The following ITCH variants were observed in gnomAD, a reference collection of about 807,000 sequenced individuals.
ITCH encodes the protein E3 ubiquitin-protein ligase Itchy homolog.
Under a neutral mutation model 126.8 loss-of-function variants are expected in ITCH, and 28 were observed. The ratio of observed to expected loss-of-function variants is 0.22; its 90% CI spans 0.16 to 0.30. The LOEUF (loss-of-function observed/expected upper bound fraction) is 0.30, where lower values mean the gene tolerates loss of function less well. ITCH is among the 10% of genes least tolerant of loss of function. The pLI, the probability that ITCH is intolerant of heterozygous loss-of-function variation, is 1.00. For missense variants in ITCH, 631 were observed against 1,032.4 expected, an observed-to-expected ratio of 0.61 and a Z score of 5.33; for synonymous variants, 342 against 340.0, an observed-to-expected ratio of 1.01 and a Z score of -0.06.
At chr20:34,424,566 T>G (rs375082730) in intron 7 of ITCH, 41 bp downstream of exon 7, 125 of 1,498,610 alleles carry the variant, frequency 8.3e-5, no homozygotes, top group East Asian at 4.7e-4. Flanking sequence ...TGCGGAGAGA[T>G]AGATTTCCTA....
intron 1 of ITCH, among the ~76,000 whole-genome samples, chr20:34,368,361 C>G (rs2037496144): frequency 6.7e-6 from 1 of 149,600 alleles, no homozygotes; most frequent in Non-Finnish European, 1.5e-5. Context: ...TTGCCTAAGT[C>G]TCTGTTTTGG....
chr20:34,437,208 A>G (rs931221199), intron 7 of ITCH, among the ~76,000 whole-genome samples: 3 of 152,100 alleles, frequency 2.0e-5, no homozygotes, highest in Non-Finnish European at 2.9e-5. Flanking sequence ...TTTTTTCACT[A>G]TGTATATCAA....
At chr20:34,415,852 G>A (rs971533404) in intron 6 of ITCH, among the ~76,000 whole-genome samples, 8 of 152,048 alleles carry the variant, frequency 5.3e-5, no homozygotes, top group South Asian at 2.1e-4. Context: ...TGCTGGACGC[G>A]GTGGCTCACG....
intron 19 of ITCH, 81 bp downstream of exon 19, chr20:34,480,813 G>T: frequency 8.6e-7 from 1 of 1,163,840 alleles, no homozygotes; most frequent in East Asian, 2.5e-5. Flanking sequence ...CCAAACTGTA[G>T]GCACATAATT....
At chr20:34,429,081 G>T (rs1981940199) in intron 7 of ITCH, among the ~76,000 whole-genome samples, 1 of 151,996 alleles carries the variant, frequency 6.6e-6, no homozygotes, top group East Asian at 1.9e-4. Flanking sequence ...GGGATTATAG[G>T]CATGCACCAC....
intron 3 of ITCH, among the ~76,000 whole-genome samples, chr20:34,397,537 C>A (rs1032115771): frequency 6.6e-6 from 1 of 152,168 alleles, no homozygotes; most frequent in African/African-American, 2.4e-5. Flanking sequence ...GGTTAGGTCA[C>A]AGATCATATC....
At chr20:34,366,961 A>G (rs1485074632) in intron 1 of ITCH, among the ~76,000 whole-genome samples, 1 of 152,162 alleles carries the variant, frequency 6.6e-6, no homozygotes, top group Non-Finnish European at 1.5e-5. Flanking sequence ...GCTTTTTACT[A>G]GTGCAATATT....
Position 34,457,473 on chromosome 20 carries a change from G to A in ITCH, c.1294G>A (p.Gly432Ser), listed in dbSNP as rs1205282746. Residue 432 changes from glycine to serine, a missense_variant and splice_region_variant, in exon 13 of 25, where the codon GGT (glycine) becomes AGT (serine). Around this residue, in one of 4 missense-constraint regions of ITCH, gnomAD observed 390 missense variants for 731.6 expected, o/e 0.53. Transcript: ENST00000374864. ...ACAATGGGAAGACCCCAGAAGTCAA[G>A]GGTAAGAATAGTTACTTGTGTATAT... ...ITQWEDPRSQ[G>S]QLNEKPLPEG... is the part of the protein sequence containing the mutation. The A allele has an allele frequency of 7.6e-6, 12 of 1,588,734 alleles. No individual in the cohort carries two copies. Among genetic ancestry groups the A allele is most frequent in the Non-Finnish European group, 1.0e-5 (12 of 1,157,542 alleles).
intron 20 of ITCH, among the ~76,000 whole-genome samples, chr20:34,482,638 CA>C (rs771085511): frequency 5.9e-5 from 9 of 152,240 alleles, no homozygotes; most frequent in Non-Finnish European, 1.2e-4. Flanking sequence ...TATAGCCCCC[CA>C]CCGGCTGCTT....
intron 13 of ITCH, 30 bp downstream of exon 13, chr20:34,457,504 C>G (rs1390390532): frequency 4.3e-6 from 6 of 1,390,848 alleles, no homozygotes; most frequent in Non-Finnish European, 6.1e-6. Context: ...TATATTTAAT[C>G]TCTTAAAGAT....
rs143241725 is a variant in ITCH, at chr20:34,492,772, A to C, written c.2416+175A>C. On this transcript the variant is annotated intron_variant, in intron 23 of 24. Coordinates refer to ENST00000374864, the MANE Select transcript of ITCH (RefSeq NM_031483.7). Reference sequence around the variant, plus strand: ...AATAGTTTTTAGTACTTACCTTTGTAGAAATTTTTAACCCTCAAGCTAGAA... The same window carrying C: ...AATAGTTTTTAGTACTTACCTTTGTCGAAATTTTTAACCCTCAAGCTAGAA... Among the ~76,000 whole-genome samples, 412 of 152,382 alleles carry C rather than the reference A, an allele frequency of 2.7e-3. 2 individuals carry two copies. Among genetic ancestry groups the C allele is most frequent in the Non-Finnish European group, 4.2e-3 (288 of 68,040 alleles).
At chr20:34,458,528 G>A (rs954651525) in intron 13 of ITCH, among the ~76,000 whole-genome samples, 6 of 152,154 alleles carry the variant, frequency 3.9e-5, no homozygotes, top group African/African-American at 9.7e-5. Context: ...TTGCTAGGGC[G>A]CCTTAACAAA....
At chr20:34,457,784 CA>C (rs747649347) in intron 13 of ITCH, among the ~76,000 whole-genome samples, 2 of 151,548 alleles carry the variant, frequency 1.3e-5, no homozygotes, top group Non-Finnish European at 1.5e-5. Context: ...CCTGTCTCTA[CA>C]AAAAAAATCC....
intron 23 of ITCH, among the ~76,000 whole-genome samples, chr20:34,496,125 C>G (rs1989866207): frequency 6.6e-6 from 1 of 151,890 alleles, no homozygotes; most frequent in Non-Finnish European, 1.5e-5. Flanking sequence ...ATAAGAGTTC[C>G]TCTTTTTCCA....
chr20:34,383,817 C>T (rs2038160124), intron 2 of ITCH, among the ~76,000 whole-genome samples: 1 of 150,964 alleles, frequency 6.6e-6, no homozygotes, highest in Non-Finnish European at 1.5e-5. Flanking sequence ...GCATGAGCCA[C>T]CAGGACTGGT....
At chr20:34,391,281 G>A (rs2038482976) in intron 2 of ITCH, among the ~76,000 whole-genome samples, 1 of 152,062 alleles carries the variant, frequency 6.6e-6, no homozygotes, top group African/African-American at 2.4e-5. Flanking sequence ...GAGTACACAG[G>A]TGCCCTCCTC....
intron 14 of ITCH, chr20:34,466,405 A>G (rs749180371): frequency 1.9e-6 from 1 of 531,788 alleles, no homozygotes; most frequent in Non-Finnish European, 3.9e-6. Context: ...TCTTAGAGCA[A>G]AGATGGTTCC....
chr20:34,449,984 G>T (rs1958361855), intron 12 of ITCH, among the ~76,000 whole-genome samples: 1 of 152,096 alleles, frequency 6.6e-6, no homozygotes, highest in South Asian at 2.1e-4. Context: ...TGATGATGAT[G>T]ATTCCATCAT....
intron 21 of ITCH, 142 bp downstream of exon 21, chr20:34,489,528 TAAAG>T: frequency 1.2e-6 from 1 of 812,066 alleles, no homozygotes; most frequent in South Asian, 1.5e-5. Flanking sequence ...CCCCAATGGT[TAAAG>T]AAAATCATAA....
Sources: allele counts gnomAD v4.1 joint callset (sites outside exome capture counted in the v4.1 genomes callset), GRCh38; gene constraint gnomAD v4.1.1; regional missense constraint gnomAD v4.1.1; transcripts MANE v1.5; gene names NCBI Gene and HGNC (gene_info 2026-07-23, HGNC 2026-07-21).